The following ZBTB41 variants were observed in gnomAD, a reference collection of about 807,000 sequenced individuals.
ZBTB41 encodes zinc finger and BTB domain containing 41, also known as zinc finger and BTB domain-containing protein 41.
ZBTB41 carries 42 observed loss-of-function variants against 87.6 expected under a neutral mutation model. The ratio of observed to expected loss-of-function variants is 0.48; its 90% CI spans 0.37 to 0.62. The LOEUF is 0.62. ZBTB41 is among the 20% of genes least tolerant of loss of function. ZBTB41 has a pLI of 0.00. For synonymous variants in ZBTB41, 364 were observed against 364.0 expected, an observed-to-expected ratio of 1.00 and a Z score of 0.00; for missense variants, 799 against 1,078.9, an observed-to-expected ratio of 0.74 and a Z score of 3.63.
Position 197,191,903 on chromosome 1 carries a change from T to C in ZBTB41, c.1121-4A>G. 1 of 1,566,070 alleles carries C rather than the reference T, an allele frequency of 6.4e-7. No individual in the cohort carries two copies. The highest frequency in any genetic ancestry group is 8.6e-7 in the Non-Finnish European group (1 of 1,160,026). ...CGGGTGTGGCTCTCATATTTTCCTA[T>C]AAAAAAAGAAAAATTAAAATTAAAT... On this transcript the variant is annotated splice_region_variant and splice_polypyrimidine_tract_variant and intron_variant, in intron 2 of 10. Coordinates refer to ENST00000367405, the MANE Select transcript of ZBTB41 (RefSeq NM_194314.3).
chr1:197,154,862 G>C lies in ZBTB41; in HGVS notation c.*4497C>G, dbSNP rs763859006. On this transcript the variant is annotated 3_prime_UTR_variant, in exon 11 of 11. Transcript: ENST00000367405. ...ACTTAAAGTTTTAGAAATGCTACTT[G>C]TAGAATACATTTCTAGGCATTTTAA... 1 of 152,490 alleles carries C rather than the reference G, an allele frequency of 6.6e-6. No individual in the cohort carries two copies. Among genetic ancestry groups the C allele is most frequent in the Non-Finnish European group, 1.5e-5 (1 of 67,928 alleles). 9.4% of individuals were successfully genotyped at this position (152,490 alleles called of 1,614,324 possible).
At chr1:197,174,695 A>G (rs1048754062) in intron 9 of ZBTB41, among the ~76,000 whole-genome samples, 2 of 152,118 alleles carry the variant, frequency 1.3e-5, no homozygotes, top group African/African-American at 4.8e-5. Flanking sequence ...AACATTTCCT[A>G]ACAACTGCTG....
chr1:197,188,317 T>C lies in ZBTB41; in HGVS notation c.1521A>G (p.Leu507=), dbSNP rs766731602. The C allele has an allele frequency of 6.2e-7, 1 of 1,613,182 alleles. No individual in the cohort carries two copies. The highest frequency in any genetic ancestry group is 8.5e-7 in the Non-Finnish European group (1 of 1,179,776). ...CCAGATGGAACTTTTCTTGATGCTT[T>C]AACCGAGCAAACCGTGATTTAAAAT... ...EEHFKSRFAR[L]KHQEKFHLGP... Residue 507 remains leucine, a synonymous_variant, in exon 5 of 11, where the codon TTA becomes TTG. Coordinates refer to ENST00000367405, the MANE Select transcript of ZBTB41 (RefSeq NM_194314.3).
Position 197,159,207 on chromosome 1 carries a change from A to C in ZBTB41, c.*152T>G. 2 of 719,582 alleles carry C rather than the reference A, an allele frequency of 2.8e-6. No individual in the cohort carries two copies. The highest frequency in any genetic ancestry group is 2.2e-6 in the Non-Finnish European group (1 of 447,516). 44.6% of individuals were successfully genotyped at this position (719,582 alleles called of 1,614,324 possible). A position where few individuals can be genotyped will look rare whatever the true frequency, so the allele number is the denominator to read the frequency against. ...TTTGTCCAAATATTCATGTTCAGTA[A>C]ACAGAGACACATAGTTTTCTTGATT... On this transcript the variant is annotated 3_prime_UTR_variant, in exon 11 of 11. Coordinates refer to ENST00000367405, the MANE Select transcript of ZBTB41 (RefSeq NM_194314.3).
intron 2 of ZBTB41, among the ~76,000 whole-genome samples, chr1:197,197,584 C>T (rs866649351): frequency 1.9e-4 from 3 of 15,452 alleles, no homozygotes; most frequent in Non-Finnish European, 6.2e-4. Context: ...AGGGAGGGAG[C>T]GAGGGAGGGA....
intron 2 of ZBTB41, 35 bp from the exon 3 acceptor site, chr1:197,191,934 A>C: frequency 6.7e-7 from 1 of 1,500,050 alleles, no homozygotes; most frequent in Non-Finnish European, 9.0e-7. Flanking sequence ...TAAATTTAGT[A>C]CATTTGCTAT....
chr1:197,173,537 T>G (rs1175633016), intron 9 of ZBTB41, among the ~76,000 whole-genome samples: 1 of 152,150 alleles, frequency 6.6e-6, no homozygotes. Flanking sequence ...CCTGAGTAGC[T>G]GAGACTACAG....
intron 5 of ZBTB41, among the ~76,000 whole-genome samples, chr1:197,185,697 C>G (rs1659866172): frequency 6.6e-6 from 1 of 151,956 alleles, no homozygotes; most frequent in Non-Finnish European, 1.5e-5. Flanking sequence ...ATTTATATGA[C>G]TTTCTTTGCC....
At position 197,153,706 on chromosome 1, in the gene ZBTB41, A is replaced by G. The variant is rs1485550701; in HGVS notation, c.*5653T>C. The G allele has an allele frequency of 6.6e-6, 1 of 152,164 alleles. No individual in the cohort carries two copies. The highest frequency in any genetic ancestry group is 2.4e-5 in the African/African-American group (1 of 41,444). 9.4% of individuals were successfully genotyped at this position (152,164 alleles called of 1,614,324 possible). A position where few individuals can be genotyped will look rare whatever the true frequency, so the allele number is the denominator to read the frequency against. The stretch of plus-strand genomic sequence containing the variant: ...ATTAGGACCAAAGAACTTTATATTT[A>G]TTTTAAATATCAAAGTAACACAAAG... On this transcript the variant is annotated 3_prime_UTR_variant, in exon 11 of 11. Coordinates refer to ENST00000367405, the MANE Select transcript of ZBTB41 (RefSeq NM_194314.3).
At chr1:197,191,972 A>G in intron 2 of ZBTB41, 73 bp from the exon 3 acceptor site, 2 of 1,273,004 alleles carry the variant, frequency 1.6e-6, no homozygotes, top group Non-Finnish European at 1.1e-6. Flanking sequence ...AGAGTGGAAT[A>G]AAACCTCATG....
At position 197,200,311 on chromosome 1, in the gene ZBTB41, G is replaced by T. The variant is rs1181522427; in HGVS notation, c.163C>A (p.Pro55Thr). ...PEALHCYQELPPSPDQRKLLS... is the reference protein window; with the variant it reads ...PEALHCYQELTPSPDQRKLLS... ...AGCTTTCTCTGATCTGGAGAGGGAG[G>T]AAGTTCCTGGTAACAGTGAAGAGCT... Residue 55 changes from proline to threonine, a missense_variant, in exon 2 of 11, where the codon CCT becomes ACT. By Grantham distance (38) the Pro-to-Thr change is conservative. Coordinates refer to ENST00000367405, the MANE Select transcript of ZBTB41 (RefSeq NM_194314.3). 1.2e-6 allele frequency: 2 copies of T among 1,613,970 alleles called. No homozygotes were observed. The highest frequency in any genetic ancestry group is 1.7e-6 in the Non-Finnish European group (2 of 1,180,008).
intron 1 of ZBTB41, among the ~76,000 whole-genome samples, chr1:197,200,831 C>T (rs993889555): frequency 9.8e-5 from 15 of 152,346 alleles, no homozygotes; most frequent in African/African-American, 3.4e-4. Context: ...GATTCACGAA[C>T]AGGGTGAAAA....
At chr1:197,160,058 A>T (rs578056343) in intron 10 of ZBTB41, 44 bp from the exon 11 acceptor site, 2 of 1,497,126 alleles carry the variant, frequency 1.3e-6, no homozygotes, top group South Asian at 2.5e-5. Flanking sequence ...AAATGTACTC[A>T]ACTTGATAAG....
chr1:197,165,779 A>T (rs115134285), intron 10 of ZBTB41, among the ~76,000 whole-genome samples: 3,040 of 152,184 alleles, frequency 0.02, 62 homozygotes, highest in African/African-American at 0.055. Flanking sequence ...AATTAAAAAA[A>T]ATATATATAT....
chr1:197,192,046 T>G (rs1660050892), intron 2 of ZBTB41, 147 bp from the exon 3 acceptor site: 1 of 557,640 alleles, frequency 1.8e-6, no homozygotes, highest in East Asian at 3.2e-5. Context: ...TTACGTAAAT[T>G]TCTACCTCTG....
At chr1:197,169,354 T>C (rs1452970668) in intron 10 of ZBTB41, among the ~76,000 whole-genome samples, 3 of 151,822 alleles carry the variant, frequency 2.0e-5, no homozygotes, top group Non-Finnish European at 4.4e-5. Context: ...AATGAATAAA[T>C]TGTAACAGTC....
At position 197,191,622 on chromosome 1, in the gene ZBTB41, T is replaced by G; in HGVS notation, c.1328+70A>C. The G allele has an allele frequency of 4.6e-6, 6 of 1,291,822 alleles. No homozygotes were observed. The South Asian group carries it at 8.1e-5, about 17-fold the overall frequency. 80.0% of individuals were successfully genotyped at this position (1,291,822 alleles called of 1,614,324 possible). A position where few individuals can be genotyped will look rare whatever the true frequency, so the allele number is the denominator to read the frequency against. On this transcript the variant is annotated intron_variant, in intron 3 of 10. Coordinates refer to ENST00000367405, the MANE Select transcript of ZBTB41 (RefSeq NM_194314.3). Reference sequence around the variant, plus strand: ...ATTGGAGATAAGCACTTTATAGATGTTTTTAGCTTTCCACATATTTAAATT... The same window carrying G: ...ATTGGAGATAAGCACTTTATAGATGGTTTTAGCTTTCCACATATTTAAATT...
rs745397914 is a variant in ZBTB41 at position 197,199,783 on chromosome 1, T to C, written c.691A>G (p.Arg231Gly). 11 of 1,613,250 alleles carry C rather than the reference T, an allele frequency of 6.8e-6. No individual in the cohort carries two copies. The Admixed American group carries it at 1.2e-4, about 17-fold the overall frequency. Residue 231 changes from arginine (R) to glycine (G), a missense_variant, in exon 2 of 11, where the codon AGG (arginine) becomes GGG (glycine). By Grantham distance (125) the Arg-to-Gly change is moderately radical. Transcript: ENST00000367405. ...TGTTTTTTCCCTAATAAAAGGGACC[T>C]ATGGGTTTTAGCCAAATGATTCTCT... The part of the protein sequence containing the change: ...SLENHLAKTH[R>G]SLLLGKKHGL...
chr1:197,182,936 A>G (rs955754055), intron 5 of ZBTB41, among the ~76,000 whole-genome samples: 3 of 152,182 alleles, frequency 2.0e-5, no homozygotes, highest in Non-Finnish European at 4.4e-5. Flanking sequence ...ATATATACCA[A>G]ACTGCATGAA....
Sources: allele counts gnomAD v4.1 joint callset (sites outside exome capture counted in the v4.1 genomes callset), GRCh38; gene constraint gnomAD v4.1.1; transcripts MANE v1.5; gene names NCBI Gene and HGNC (gene_info 2026-07-23, HGNC 2026-07-21).